The following STAB2 variants were observed in gnomAD, a reference collection of about 807,000 sequenced individuals.
STAB2 encodes stabilin-2.
Under a neutral mutation model 338.1 loss-of-function variants are expected in STAB2, and 288 were observed. The ratio of observed to expected loss-of-function variants is 0.85; its 90% CI spans 0.77 to 0.94. The LOEUF is 0.94. STAB2 is among the 40% of genes least tolerant of loss of function. STAB2 has a pLI of 0.00. For synonymous variants in STAB2, 1,202 were observed against 1,193.3 expected (o/e 1.01, Z -0.15); for missense variants, 3,141 against 3,210.1 (o/e 0.98, Z 0.52).
At chr12:103,744,535 C>G (rs1333387106) in intron 56 of STAB2, among the ~76,000 whole-genome samples, 1 of 149,612 alleles carries the variant, frequency 6.7e-6, no homozygotes, top group Non-Finnish European at 1.5e-5. Flanking sequence ...GGTGTGATCA[C>G]AGCTTACTGT....
At chr12:103,744,489 C>T (rs967347539) in intron 56 of STAB2, among the ~76,000 whole-genome samples, 14 of 125,776 alleles carry the variant, frequency 1.1e-4, no homozygotes, top group Admixed American at 6.2e-4. Context: ...TTTTTTAAGA[C>T]AGGGTCTCAC....
intron 6 of STAB2, among the ~76,000 whole-genome samples, chr12:103,635,047 T>C (rs1593166040): frequency 6.6e-6 from 1 of 152,232 alleles, no homozygotes; most frequent in African/African-American, 2.4e-5. Flanking sequence ...TGAACTATTT[T>C]ACTCAACTAG....
In STAB2 at chr12:103,739,406, T is replaced by C. The variant is rs367721938; in HGVS notation, c.5698-6T>C. The C allele has an allele frequency of 6.3e-7, 1 of 1,580,728 alleles. No homozygotes were observed. Among genetic ancestry groups the C allele is most frequent in the Non-Finnish European group, 8.6e-7 (1 of 1,164,684 alleles). ...GTTTTCAAGTGTTTCTTTTCTTGCATACTAGGGGGAGTGTGGGAGCTGTGT... is the reference window on the plus strand; with the variant it reads ...GTTTTCAAGTGTTTCTTTTCTTGCACACTAGGGGGAGTGTGGGAGCTGTGT... On this transcript the variant is annotated splice_region_variant and splice_polypyrimidine_tract_variant and intron_variant, in intron 53 of 68. Coordinates refer to ENST00000388887, the MANE Select transcript of STAB2 (RefSeq NM_017564.10).
intron 21 of STAB2, among the ~76,000 whole-genome samples, chr12:103,670,397 A>G (rs987947948): frequency 1.2e-4 from 18 of 152,196 alleles, no homozygotes; most frequent in African/African-American, 4.1e-4. Context: ...CTAGTCACTC[A>G]TTCTGGAGGC....
chr12:103,640,039 G>A, intron 8 of STAB2, 84 bp from the exon 9 acceptor site: 2 of 1,475,902 alleles, frequency 1.4e-6, no homozygotes, highest in South Asian at 2.8e-5. Flanking sequence ...TTTTATGGAA[G>A]AATAAAAATA....
intron 28 of STAB2, among the ~76,000 whole-genome samples, chr12:103,689,373 C>T (rs1467374136): frequency 6.6e-6 from 1 of 151,900 alleles, no homozygotes; most frequent in Non-Finnish European, 1.5e-5. Flanking sequence ...ATTCCAGCTA[C>T]TCAGGAGGCA....
intron 9 of STAB2, among the ~76,000 whole-genome samples, chr12:103,642,429 C>G (rs1872992158): frequency 6.6e-6 from 1 of 151,594 alleles, no homozygotes; most frequent in Non-Finnish European, 1.5e-5. Flanking sequence ...TGTAGGGACT[C>G]TTGGAATGCT....
intron 40 of STAB2, 67 bp from the exon 41 acceptor site, chr12:103,712,300 T>C: frequency 8.1e-7 from 1 of 1,236,866 alleles, no homozygotes; most frequent in East Asian, 2.3e-5. Flanking sequence ...GTGAAGGGCA[T>C]TTGTGAGTCA....
Position 103,746,602 on chromosome 12 carries a change from C to T in STAB2, c.6142C>T (p.Pro2048Ser). 2 of 1,613,972 alleles carry T rather than the reference C, an allele frequency of 1.2e-6. No individual in the cohort carries two copies. The highest frequency in any genetic ancestry group is 1.7e-6 in the Non-Finnish European group (2 of 1,179,852). The stretch of plus-strand genomic sequence containing the variant: ...AGTGGCCCCTTTCTTTGCAGTTTTG[C>T]CTGCAGTGTGTACGCCTCCTTGTTC... ...GPSCDTQAVL[P>S]AVCTPPCSAH... The change falls in exon 58 of 69, where the codon CCT becomes TCT. Residue 2048 changes from proline to serine, a missense_variant. Pro to Ser is a moderately conservative substitution (Grantham distance 74). Transcript: ENST00000388887.
intron 46 of STAB2, 91 bp downstream of exon 46, chr12:103,726,254 C>G: frequency 7.3e-7 from 1 of 1,373,028 alleles, no homozygotes; most frequent in Non-Finnish European, 1.0e-6. Context: ...TTTGGGAGGC[C>G]AAGGCGGGCA....
intron 1 of STAB2, 101 bp downstream of exon 1, chr12:103,587,658 G>A (rs1956731820): frequency 1.1e-6 from 1 of 926,026 alleles, no homozygotes; most frequent in Non-Finnish European, 1.7e-6. Context: ...GTGAAATCTG[G>A]ACTTTATAAA....
chr12:103,634,613 CT>C (rs1489610425), intron 6 of STAB2, among the ~76,000 whole-genome samples: 1 of 152,216 alleles, frequency 6.6e-6, no homozygotes, highest in Non-Finnish European at 1.5e-5. Flanking sequence ...ATAAATGAAT[CT>C]TTTCGGTGTT....
chr12:103,650,070 A>G (rs755195434), intron 10 of STAB2, among the ~76,000 whole-genome samples: 17 of 152,292 alleles, frequency 1.1e-4, no homozygotes, highest in East Asian at 9.6e-4. Context: ...AAGCATTTCA[A>G]CATGGCAACT....
intron 45 of STAB2, among the ~76,000 whole-genome samples, chr12:103,725,605 T>C (rs1593288059): frequency 6.6e-6 from 1 of 151,486 alleles, no homozygotes; most frequent in Admixed American, 6.6e-5. Context: ...TGTGTGTACG[T>C]GTGTGTGCTT....
At chr12:103,647,340 A>C (rs1180576830) in intron 9 of STAB2, among the ~76,000 whole-genome samples, 4 of 152,174 alleles carry the variant, frequency 2.6e-5, no homozygotes, top group Non-Finnish European at 5.9e-5. Flanking sequence ...AAAAAAAAAG[A>C]GTGCATAGTC....
At chr12:103,629,765 T>A (rs1455217451) in intron 5 of STAB2, among the ~76,000 whole-genome samples, 1 of 152,244 alleles carries the variant, frequency 6.6e-6, no homozygotes, top group East Asian at 1.9e-4. Context: ...ATAGCATTTA[T>A]CCCAGTGCAT....
In STAB2 at chr12:103,695,739, A is replaced by G. The variant is rs1464128612; in HGVS notation, c.3477A>G (p.Gln1159=). The G allele has an allele frequency of 6.2e-7, 1 of 1,614,084 alleles. No homozygotes were observed. The highest frequency in any genetic ancestry group is 1.3e-5 in the African/African-American group (1 of 74,926). The part of the protein sequence containing the change: ...DYSIFRGYII[Q]YNLANAIEAA... ...ACTCTTGTCTCTTTCCATCGCAGCA[A>G]TATAATCTGGCGAATGCAATTGAGG... The change falls in exon 33 of 69, where the codon CAA becomes CAG. Residue 1159 remains glutamine (Q), a splice_region_variant and synonymous_variant. Transcript: ENST00000388887.
intron 25 of STAB2, among the ~76,000 whole-genome samples, chr12:103,682,304 T>C (rs1248961024): frequency 7.0e-6 from 1 of 142,562 alleles, no homozygotes; most frequent in Non-Finnish European, 1.5e-5. Flanking sequence ...CCATCAGCCC[T>C]TGTGCACAAT....
chr12:103,604,688 A>T (rs1192995561), intron 3 of STAB2, among the ~76,000 whole-genome samples: 1 of 151,800 alleles, frequency 6.6e-6, no homozygotes, highest in Admixed American at 6.6e-5. Flanking sequence ...TGTCTACAAG[A>T]TTTGTAGTGA....
Sources: allele counts gnomAD v4.1 joint callset (sites outside exome capture counted in the v4.1 genomes callset), GRCh38; gene constraint gnomAD v4.1.1; transcripts MANE v1.5; gene names NCBI Gene and HGNC (gene_info 2026-07-23, HGNC 2026-07-21).